Variants in AK3 observed in about 807,000 individuals in gnomAD.
The protein encoded by AK3 is adenylate kinase 3, also known as GTP:AMP phosphotransferase AK3, mitochondrial.
AK3 carries 27 observed loss-of-function variants against 23.7 expected under a neutral mutation model. The ratio of observed to expected loss-of-function variants is 1.14; its 90% CI spans 0.84 to 1.57. The LOEUF (loss-of-function observed/expected upper bound fraction) is 1.57, where lower values mean the gene tolerates loss of function less well. AK3 is among the 40% of genes most tolerant of loss of function. The pLI is 0.00. For synonymous variants in AK3, 159 were observed against 116.0 expected, an observed-to-expected ratio of 1.37 and a Z score of -2.38; for missense variants, 406 against 285.6, an observed-to-expected ratio of 1.42 and a Z score of -3.04.
intron 1 of AK3, among the ~76,000 whole-genome samples, chr9:4,725,973 G>A (rs1842015404): frequency 6.6e-6 from 1 of 151,728 alleles, no homozygotes; most frequent in African/African-American, 2.4e-5. Context: ...GTGAATATGT[G>A]AGTCACACAA....
intron 1 of AK3, among the ~76,000 whole-genome samples, chr9:4,738,454 C>G (rs1303589967): frequency 6.6e-6 from 1 of 152,164 alleles, no homozygotes; most frequent in Non-Finnish European, 1.5e-5. Context: ...GCGTGAGACA[C>G]CCCGCCCAGC....
chr9:4,729,412 C>T (rs995010147), intron 1 of AK3, among the ~76,000 whole-genome samples: 2 of 152,074 alleles, frequency 1.3e-5, no homozygotes, highest in Non-Finnish European at 2.9e-5. Context: ...CTCAACGCTG[C>T]AGTGAGCCAT....
chr9:4,741,197 G>T lies in AK3; in HGVS notation c.-110C>A. ...CGGCTAGCAGCGCCACTAGCAGGCGGCTACTGCGGTTCCCCGGCGTTCCCG... is the reference window on the plus strand; with the variant it reads ...CGGCTAGCAGCGCCACTAGCAGGCGTCTACTGCGGTTCCCCGGCGTTCCCG... On this transcript the variant is annotated 5_prime_UTR_variant, in exon 1 of 5. Coordinates refer to ENST00000381809, the MANE Select transcript of AK3 (RefSeq NM_016282.4). 2 of 1,209,388 alleles carry T rather than the reference G, an allele frequency of 1.7e-6. No individual in the cohort carries two copies. The highest frequency in any genetic ancestry group is 2.1e-6 in the Non-Finnish European group (2 of 937,898). The allele number at this position is 1,209,388 out of a possible 1,614,324, so 74.9% of individuals were successfully genotyped here.
At chr9:4,729,785 T>G (rs1333757864) in intron 1 of AK3, among the ~76,000 whole-genome samples, 1 of 150,564 alleles carries the variant, frequency 6.6e-6, no homozygotes, top group Non-Finnish European at 1.5e-5. Context: ...GAGTTATGAT[T>G]GCACCACTGC....
intron 1 of AK3, among the ~76,000 whole-genome samples, chr9:4,733,378 T>C (rs918911345): frequency 1.3e-5 from 2 of 151,884 alleles, no homozygotes; most frequent in African/African-American, 2.4e-5. Context: ...GTCAACAAAG[T>C]GGTTACCTCT....
rs766118936 is a variant in AK3 at position 4,722,632 on chromosome 9, C to A, written c.152-7G>T. ...TTGGCTAACACGCCAATTTCTACAG[C>A]AAAGCGGGGAAAAAAATCAGTAAGT... On this transcript the variant is annotated splice_region_variant and splice_polypyrimidine_tract_variant and intron_variant, in intron 1 of 4. Transcript: ENST00000381809. 6.2e-7 allele frequency: 1 copy of A among 1,614,006 alleles called. No individual in the cohort carries two copies. Among genetic ancestry groups the A allele is most frequent in the Non-Finnish European group, 8.5e-7 (1 of 1,179,952 alleles).
chr9:4,712,432 T>C lies in AK3; in HGVS notation c.*544A>G, dbSNP rs1473554190. On this transcript the variant is annotated 3_prime_UTR_variant, in exon 5 of 5. Coordinates refer to ENST00000381809, the MANE Select transcript of AK3 (RefSeq NM_016282.4). ...ATAAATACAGCATATATGGTTAACATATACATTTCTTAGTGTAAAGGCAGC... is the reference window on the plus strand; with the variant it reads ...ATAAATACAGCATATATGGTTAACACATACATTTCTTAGTGTAAAGGCAGC... 6.6e-6 allele frequency: 1 copy of C among 152,272 alleles called. No homozygotes were observed. The highest frequency in any genetic ancestry group is 2.4e-5 in the African/African-American group (1 of 41,456). 9.4% of individuals were successfully genotyped at this position (152,272 alleles called of 1,614,324 possible). A position where few individuals can be genotyped will look rare whatever the true frequency, so the allele number is the denominator to read the frequency against.
chr9:4,741,084 C>G lies in AK3; in HGVS notation c.4G>C (p.Gly2Arg), dbSNP rs1228307322. M[G>R]ASARLLRAVI... is the part of the protein sequence containing the mutation. ...GCTCGCAGCAGCCGCGCGGACGCCC[C>G]CATGGCCGCAGACTGAGGCCCGCAC... The change falls in exon 1 of 5, where the codon GGG (glycine) becomes CGG (arginine). Residue 2 changes from glycine to arginine, a missense_variant. Physicochemically the swap from Gly to Arg is moderately radical, Grantham distance 125 (BLOSUM62 -2). Transcript: ENST00000381809. 3.9e-6 allele frequency: 6 copies of G among 1,538,036 alleles called. No homozygotes were observed. The highest frequency in any genetic ancestry group is 2.0e-4 in the Middle Eastern group (1 of 5,108).
chr9:4,720,156 TA>T (rs1261684341), intron 2 of AK3, among the ~76,000 whole-genome samples: 2 of 152,030 alleles, frequency 1.3e-5, no homozygotes, highest in African/African-American at 4.8e-5. Flanking sequence ...TGCAAAAGGA[TA>T]AAACCCTAAC....
intron 4 of AK3, among the ~76,000 whole-genome samples, chr9:4,715,522 G>C (rs1240431432): frequency 6.6e-6 from 1 of 151,326 alleles, no homozygotes; most frequent in Non-Finnish European, 1.5e-5. Flanking sequence ...AGACTCCCCA[G>C]TAGCTGGGAC....
At chr9:4,718,892 C>A (rs1444704432) in intron 3 of AK3, among the ~76,000 whole-genome samples, 1 of 152,216 alleles carries the variant, frequency 6.6e-6, no homozygotes. Flanking sequence ...ACTCCTAACA[C>A]ACTCCTTGGC....
At chr9:4,736,216 G>A (rs978177475) in intron 1 of AK3, among the ~76,000 whole-genome samples, 13 of 151,620 alleles carry the variant, frequency 8.6e-5, no homozygotes, top group African/African-American at 2.9e-4. Context: ...TACATTATAT[G>A]GTATGTTAAT....
At chr9:4,735,623 C>T (rs1842273730) in intron 1 of AK3, among the ~76,000 whole-genome samples, 1 of 148,862 alleles carries the variant, frequency 6.7e-6, no homozygotes, top group African/African-American at 2.5e-5. Context: ...CGCCACCATA[C>T]CCAACTAATT....
At position 4,712,948 on chromosome 9, in the gene AK3, T is replaced by C; in HGVS notation, c.*28A>G. The stretch of plus-strand genomic sequence containing the variant: ...CAAGGACTAGGAGGTTTGCCCATCT[T>C]ACTATTAATAGTTACACACATTTCT... On this transcript the variant is annotated 3_prime_UTR_variant, in exon 5 of 5. Coordinates refer to ENST00000381809, the MANE Select transcript of AK3 (RefSeq NM_016282.4). The C allele has an allele frequency of 6.2e-7, 1 of 1,606,200 alleles. No individual in the cohort carries two copies. The highest frequency in any genetic ancestry group is 8.5e-7 in the Non-Finnish European group (1 of 1,176,242).
In AK3 at chr9:4,709,611, ATAT is replaced by A. The variant is rs757382044; in HGVS notation, c.*3362_*3364del. On this transcript the variant is annotated 3_prime_UTR_variant, in exon 5 of 5. Transcript: ENST00000381809. ...GCTATATATGGAAAAATCAGTGTTT[ATAT>A]TATTTAGTGAGCTAAAAACAAATAA... 19 of 152,318 alleles carry A rather than the reference ATAT, an allele frequency of 1.2e-4. No homozygotes were observed. The East Asian group carries it at 3.7e-3, about 29-fold the overall frequency. The allele number at this position is 152,318 out of a possible 1,614,324, so 9.4% of individuals were successfully genotyped here.
At chr9:4,714,039 T>TCTACACATATACAC (rs1563781064) in intron 4 of AK3, among the ~76,000 whole-genome samples, 1 of 3,732 alleles carries the variant, frequency 2.7e-4, no homozygotes, top group Non-Finnish European at 8.7e-4. Flanking sequence ...CACATATACA[T>TCTACACATATACAC]CTACACATAT....
At chr9:4,721,273 G>T (rs1318818228) in intron 2 of AK3, among the ~76,000 whole-genome samples, 2 of 151,408 alleles carry the variant, frequency 1.3e-5, no homozygotes, top group South Asian at 2.1e-4. Flanking sequence ...TGTGCTGGTG[G>T]GCACCTGTAA....
At chr9:4,741,926 C>A (rs973063101), upstream of AK3, 1 of 152,384 alleles carries the variant, frequency 6.6e-6, no homozygotes, top group African/African-American at 2.4e-5. Context: ...CCCACTCCCT[C>A]TCTGTGTAGA....
chr9:4,716,871 T>G (rs7871915), intron 4 of AK3, among the ~76,000 whole-genome samples: 1 of 152,120 alleles, frequency 6.6e-6, no homozygotes, highest in African/African-American at 2.4e-5. Context: ...TTCAAGGCTG[T>G]AGTGAACTAT....
Sources: allele counts gnomAD v4.1 joint callset (sites outside exome capture counted in the v4.1 genomes callset), GRCh38; gene constraint gnomAD v4.1.1; transcripts MANE v1.5; gene names NCBI Gene and HGNC (gene_info 2026-07-23, HGNC 2026-07-21).